Variants in FANCE observed in about 807,000 individuals in gnomAD.
FANCE encodes the protein FA complementation group E.
FANCE carries 42 observed loss-of-function variants against 57.8 expected under a neutral mutation model. That is an observed-to-expected ratio of 0.73 (90% CI 0.57 to 0.94). The LOEUF (loss-of-function observed/expected upper bound fraction) is 0.94, where lower values mean the gene tolerates loss of function less well. Among genes scored for constraint, FANCE ranks in the 40% least tolerant of loss-of-function variants. The pLI is 0.00. For synonymous variants in FANCE, 251 were observed against 286.4 expected (o/e 0.88, Z 1.25); for missense variants, 608 against 661.8 (o/e 0.92, Z 0.89).
chr6:35,464,387 G>A (rs1396056688), intron 9 of FANCE, among the ~76,000 whole-genome samples: 9 of 151,656 alleles, frequency 5.9e-5, no homozygotes, highest in African/African-American at 2.2e-4. Context: ...ACAGGCGCGC[G>A]CCACCATGCC....
intron 2 of FANCE, 111 bp from the exon 3 acceptor site, chr6:35,457,445 G>A: frequency 8.4e-7 from 1 of 1,196,776 alleles, no homozygotes; most frequent in Non-Finnish European, 1.2e-6. Context: ...AATCATCTTT[G>A]CCAGCTAGCT....
intron 9 of FANCE, among the ~76,000 whole-genome samples, chr6:35,464,238 T>C (rs1266167184): frequency 3.8e-5 from 4 of 105,032 alleles, no homozygotes; most frequent in South Asian, 6.9e-4. Flanking sequence ...GGTCTTCTTT[T>C]TTTTTTTTTT....
rs1485984155 is a variant in FANCE at position 35,466,382 on chromosome 6, A to G, written c.*37A>G. The G allele has an allele frequency of 7.8e-7, 1 of 1,284,374 alleles. No homozygotes were observed. Among genetic ancestry groups the G allele is most frequent in the East Asian group, 2.3e-5 (1 of 43,370 alleles). The allele number at this position is 1,284,374 out of a possible 1,614,324, so 79.6% of individuals were successfully genotyped here. ...GGGACCACCCTCTTGGTGCTCCATC[A>G]CCAGCTTCCTGAAGGGCATTTCTTT... On this transcript the variant is annotated 3_prime_UTR_variant, in exon 10 of 10. Transcript: ENST00000229769.
chr6:35,458,274 C>CT lies in FANCE; in HGVS notation c.970-22dup. The CT allele has an allele frequency of 1.9e-6, 3 of 1,612,736 alleles. No homozygotes were observed. The South Asian group carries it at 3.3e-5, about 18-fold the overall frequency. On this transcript the variant is annotated intron_variant, in intron 4 of 9. Coordinates refer to ENST00000229769, the MANE Select transcript of FANCE (RefSeq NM_021922.3). ...CAGAGTGCATGTCCCGGTGTCCTCTCTCCCCCCGCACTCTGTAAGCAGATG... is the reference window on the plus strand; with the variant it reads ...CAGAGTGCATGTCCCGGTGTCCTCTCTTCCCCCCGCACTCTGTAAGCAGATG...
intron 4 of FANCE, 99 bp from the exon 5 acceptor site, chr6:35,458,198 C>G: frequency 1.3e-6 from 2 of 1,529,326 alleles, no homozygotes; most frequent in Non-Finnish European, 1.8e-6. Context: ...CCTGGAGTAT[C>G]TTTGCCCTGC....
intron 5 of FANCE, 121 bp from the exon 6 acceptor site, chr6:35,459,210 A>G (rs1400929726): frequency 1.5e-6 from 2 of 1,348,354 alleles, no homozygotes; most frequent in Non-Finnish European, 2.1e-6. Context: ...TGAGTTCTAA[A>G]TAAAAGAACT....
intron 8 of FANCE, among the ~76,000 whole-genome samples, chr6:35,462,014 C>G (rs1767609801): frequency 1.3e-5 from 2 of 151,814 alleles, no homozygotes; most frequent in Admixed American, 1.3e-4. Flanking sequence ...TTAATAGCAC[C>G]TACCATATAA....
Position 35,455,877 on chromosome 6 carries a change from C to G in FANCE, c.379C>G (p.Pro127Ala). ...GCAGATTGCCCAGCAGGACCTAGCCCCTGACCCAGATGCCTGGCTCCGTGC... is the reference window on the plus strand; with the variant it reads ...GCAGATTGCCCAGCAGGACCTAGCCGCTGACCCAGATGCCTGGCTCCGTGC... ...VLQIAQQDLA[P>A]DPDAWLRALG... The change falls in exon 2 of 10, where the codon CCT becomes GCT. Residue 127 changes from proline to alanine, a missense_variant. Physicochemically the swap from Pro to Ala is conservative, Grantham distance 27. Coordinates refer to ENST00000229769, the MANE Select transcript of FANCE (RefSeq NM_021922.3). 3 of 1,614,176 alleles carry G rather than the reference C, an allele frequency of 1.9e-6. No individual in the cohort carries two copies. The highest frequency in any genetic ancestry group is 2.5e-6 in the Non-Finnish European group (3 of 1,180,042).
chr6:35,455,724 C>G (rs2150889727), intron 1 of FANCE, 23 bp from the exon 2 acceptor site: 1 of 1,612,968 alleles, frequency 6.2e-7, no homozygotes, highest in African/African-American at 1.3e-5. Flanking sequence ...CACTTAACTG[C>G]TTGCTCTCCC....
intron 1 of FANCE, among the ~76,000 whole-genome samples, chr6:35,454,048 A>G (rs906764882): frequency 6.6e-6 from 1 of 150,678 alleles, no homozygotes; most frequent in Middle Eastern, 3.2e-3. Flanking sequence ...CATCTTTTAA[A>G]CTTAGGTTTT....
intron 2 of FANCE, 150 bp from the exon 3 acceptor site, chr6:35,457,406 C>T: frequency 1.3e-6 from 1 of 767,704 alleles, no homozygotes; most frequent in Non-Finnish European, 2.2e-6. Context: ...CTGGTGTGAG[C>T]CACCGCGCTT....
In FANCE at chr6:35,455,475, T is replaced by C. The variant is rs774893590; in HGVS notation, c.249-272T>C. 7.9e-5 allele frequency among the ~76,000 whole-genome samples: 12 copies of C among 151,998 alleles called. No homozygotes were observed. In the South Asian group the frequency reaches 1.0e-3, roughly 13 times the overall value. ...GGCGCATGCCACCATGCCCGTCTAA[T>C]TTTTGTATTTTTTTTAGTAGAGACG... On this transcript the variant is annotated intron_variant, in intron 1 of 9. Transcript: ENST00000229769.
chr6:35,464,647 C>G (rs1767735406), intron 9 of FANCE, among the ~76,000 whole-genome samples: 1 of 152,054 alleles, frequency 6.6e-6, no homozygotes, highest in Non-Finnish European at 1.5e-5. Flanking sequence ...GCCACCACAC[C>G]CAGCCTCAGG....
At chr6:35,454,736 G>T (rs1767255819) in intron 1 of FANCE, among the ~76,000 whole-genome samples, 1 of 152,242 alleles carries the variant, frequency 6.6e-6, no homozygotes, top group East Asian at 1.9e-4. Context: ...CAAAACAAAA[G>T]ATCCTCATCC....
chr6:35,460,903 T>C (rs1019310653), intron 8 of FANCE, among the ~76,000 whole-genome samples: 7 of 151,602 alleles, frequency 4.6e-5, no homozygotes, highest in African/African-American at 1.7e-4. Context: ...GAATAGGTAA[T>C]AGATTCATAT....
At chr6:35,459,839 T>G in intron 7 of FANCE, 79 bp downstream of exon 7, 14 of 1,269,098 alleles carry the variant, frequency 1.1e-5, no homozygotes, top group East Asian at 2.3e-5. Context: ...TGTTGGGCCC[T>G]GCAGGGAAGG....
rs1221462004 is a variant in FANCE at position 35,452,686 on chromosome 6, C to T, written c.141C>T (p.Leu47=). The T allele has an allele frequency of 1.6e-6, 2 of 1,239,710 alleles. No homozygotes were observed. The highest frequency in any genetic ancestry group is 4.2e-5 in the Admixed American group (1 of 23,700). The allele number at this position is 1,239,710 out of a possible 1,614,324, so 76.8% of individuals were successfully genotyped here. ...GGGCGCGGCGCGGCCTGGGGGTGCT[C>T]CGGGCGCTGGGCAGCCGCGGCTGGG... ...PEGARRGLGV[L]RALGSRGWEP... The change falls in exon 1 of 10, where the codon CTC becomes CTT. Residue 47 remains leucine (L), a synonymous_variant. Transcript: ENST00000229769.
intron 8 of FANCE, among the ~76,000 whole-genome samples, chr6:35,462,110 AATT>A (rs374262698): frequency 8.6e-6 from 1 of 115,762 alleles, no homozygotes; most frequent in South Asian, 2.8e-4. Flanking sequence ...TAATAATAAT[AATT>A]ATTATTTTTT....
rs1767326683 is a variant in FANCE at position 35,456,084 on chromosome 6, C to G, written c.586C>G (p.Gln196Glu). 6.2e-7 allele frequency: 1 copy of G among 1,613,816 alleles called. No individual in the cohort carries two copies. Among genetic ancestry groups the G allele is most frequent in the Non-Finnish European group, 8.5e-7 (1 of 1,179,984 alleles). ...AGAAGAGGAGAACAGGGACTCCCAG[C>G]AGCCTGGGAAACGCAGAAAGGACTC... Reference protein sequence around the residue: ...PEEEENRDSQQPGKRRKDSEE... With the variant: ...PEEEENRDSQEPGKRRKDSEE... The change falls in exon 2 of 10, where the codon CAG becomes GAG. Residue 196 changes from glutamine to glutamate, a missense_variant. Gln to Glu is a conservative substitution (Grantham distance 29, BLOSUM62 2). Coordinates refer to ENST00000229769, the MANE Select transcript of FANCE (RefSeq NM_021922.3). The surrounding 1 kb of genome is among the most constrained non-coding windows in gnomAD (Gnocchi z 4.3).
Sources: gnomAD v4.1 joint callset for allele counts (sites outside exome capture counted in the v4.1 genomes callset) on GRCh38, gnomAD v4.1.1 for gene constraint, Gnocchi (gnomAD v3.1) non-coding constraint, MANE v1.5 for transcripts, NCBI Gene and HGNC (gene_info 2026-07-23, HGNC 2026-07-21) for gene names.